Variants in CPNE2 observed in about 807,000 individuals in gnomAD.
The protein encoded by CPNE2 is copine-2.
A neutral mutation model predicts 69.7 loss-of-function variants in CPNE2; 42 were observed. That is an observed-to-expected ratio of 0.60 (90% CI 0.47 to 0.78). The LOEUF (loss-of-function observed/expected upper bound fraction) is 0.78. Ranked by LOEUF, CPNE2 falls within the 30% of genes least tolerant of loss-of-function variation. The probability of loss-of-function intolerance (pLI) is 0.00; values close to 1 mark genes in which losing one functional copy is unlikely to be tolerated. For missense variants in CPNE2, 587 were observed against 732.0 expected, an observed-to-expected ratio of 0.80 and a Z score of 2.29; for synonymous variants, 294 against 289.8, an observed-to-expected ratio of 1.01 and a Z score of -0.15.
intron 13 of CPNE2, among the ~76,000 whole-genome samples, chr16:57,135,492 G>A (rs2069872450): frequency 6.6e-6 from 1 of 151,880 alleles, no homozygotes; most frequent in African/African-American, 2.4e-5. Flanking sequence ...AATAGAGGGA[G>A]ACCCCATTTC....
At chr16:57,142,432 A>G (rs1597507714) in intron 14 of CPNE2, 1 of 152,404 alleles carries the variant, frequency 6.6e-6, no homozygotes, top group Non-Finnish European at 1.5e-5. Context: ...TATCGGAAGG[A>G]AGGAATGTGT....
chr16:57,124,386 C>G (rs2069785354), intron 10 of CPNE2: 1 of 456,222 alleles, frequency 2.2e-6, no homozygotes, highest in Non-Finnish European at 4.4e-6. Context: ...CTGGCCCTCA[C>G]TATTTTCCTA....
At chr16:57,094,192 T>A (rs2145227804) in intron 1 of CPNE2, 1 of 418,896 alleles carries the variant, frequency 2.4e-6, no homozygotes, top group South Asian at 1.7e-5. Context: ...ACGCTTGGGT[T>A]CGTTTTGCGG....
chr16:57,104,502 A>T (rs981545642), intron 1 of CPNE2, among the ~76,000 whole-genome samples: 2 of 152,112 alleles, frequency 1.3e-5, no homozygotes, highest in Non-Finnish European at 2.9e-5. Flanking sequence ...CTCTCAAGTG[A>T]TGTGTGCAGG....
intron 10 of CPNE2, chr16:57,123,753 C>T (rs1167796828): frequency 4.0e-6 from 2 of 498,264 alleles, no homozygotes; most frequent in Non-Finnish European, 7.2e-6. Context: ...ACAAATTCCT[C>T]CTCACTGGCC....
At chr16:57,116,730 G>A (rs1356551405) in intron 4 of CPNE2, among the ~76,000 whole-genome samples, 1 of 152,192 alleles carries the variant, frequency 6.6e-6, no homozygotes, top group Non-Finnish European at 1.5e-5. Context: ...TAGGGTTGTT[G>A]AGCAAGTCCC....
chr16:57,135,276 G>A (rs948279004), intron 13 of CPNE2, among the ~76,000 whole-genome samples: 1 of 134,364 alleles, frequency 7.4e-6, no homozygotes, highest in African/African-American at 2.8e-5. Context: ...ACTTGGCGGG[G>A]GATCAGGGGG....
intron 1 of CPNE2, among the ~76,000 whole-genome samples, chr16:57,100,859 C>G (rs1302934395): frequency 6.6e-6 from 1 of 152,212 alleles, no homozygotes; most frequent in Non-Finnish European, 1.5e-5. Flanking sequence ...GAAGGGCTAG[C>G]CCAGAGCTCC....
intron 11 of CPNE2, among the ~76,000 whole-genome samples, chr16:57,127,194 C>T (rs1270671477): frequency 3.9e-5 from 6 of 152,152 alleles, no homozygotes; most frequent in African/African-American, 9.7e-5. Flanking sequence ...GGGAAATCTA[C>T]AGAGCGAAGG....
In CPNE2 at chr16:57,124,794, T is replaced by C. The variant is rs940344764; in HGVS notation, c.928-1066T>C. ...AAATGGAGGGCATCACAGGATGCCATGGAGTCAGAGGATTGGCCTTGCTGA... is the reference window on the plus strand; with the variant it reads ...AAATGGAGGGCATCACAGGATGCCACGGAGTCAGAGGATTGGCCTTGCTGA... On this transcript the variant is annotated intron_variant, in intron 10 of 15. Coordinates refer to ENST00000290776, the MANE Select transcript of CPNE2 (RefSeq NM_152727.6). The C allele has an allele frequency of 1.4e-5, 3 of 217,014 alleles. No homozygotes were observed. The Admixed American group carries it at 1.6e-4, about 11-fold the overall frequency. The allele number at this position is 217,014 out of a possible 1,614,324, so 13.4% of individuals were successfully genotyped here. A position where few individuals can be genotyped will look rare whatever the true frequency, so the allele number is the denominator to read the frequency against.
At chr16:57,143,533 C>T (rs1290363331) in intron 14 of CPNE2, 3 of 152,496 alleles carry the variant, frequency 2.0e-5, no homozygotes, top group Admixed American at 6.5e-5. Context: ...GCCCCAGCTT[C>T]GGAGTCAGCC....
intron 3 of CPNE2, among the ~76,000 whole-genome samples, chr16:57,115,138 G>A (rs879544824): frequency 1.3e-5 from 2 of 152,088 alleles, no homozygotes; most frequent in Non-Finnish European, 2.9e-5. Context: ...TGAGGCAGGT[G>A]GGGTCTGTGG....
At chr16:57,117,378 A>C (rs1401339568) in intron 4 of CPNE2, 118 bp from the exon 5 acceptor site, 1 of 948,828 alleles carries the variant, frequency 1.1e-6, no homozygotes, top group Non-Finnish European at 1.6e-6. Flanking sequence ...GGTCACCTGG[A>C]ACTGCCCTTC....
chr16:57,138,458 C>T (rs2069898805), intron 14 of CPNE2, among the ~76,000 whole-genome samples: 2 of 152,156 alleles, frequency 1.3e-5, no homozygotes, highest in South Asian at 4.1e-4. Context: ...CAGATTGGAT[C>T]CCCTGAGGCC....
At chr16:57,123,733 G>A (rs2069780056) in intron 10 of CPNE2, 1 of 514,424 alleles carries the variant, frequency 1.9e-6, no homozygotes, top group Middle Eastern at 5.2e-4. Flanking sequence ...CCTTCTGCGG[G>A]TGGAGGAAAA....
chr16:57,113,567 G>A (rs1416768122), intron 3 of CPNE2, 100 bp downstream of exon 3: 6 of 1,284,384 alleles, frequency 4.7e-6, no homozygotes, highest in Non-Finnish European at 6.3e-6. Context: ...CATCTTCCTG[G>A]GTGGGTCCCA....
intron 4 of CPNE2, among the ~76,000 whole-genome samples, chr16:57,117,255 C>T (rs1316752041): frequency 3.3e-5 from 5 of 152,176 alleles, no homozygotes; most frequent in South Asian, 2.1e-4. Context: ...ACCCCATGGG[C>T]CCTGCGGATT....
At chr16:57,097,883 C>T (rs1322392817) in intron 1 of CPNE2, among the ~76,000 whole-genome samples, 6 of 152,226 alleles carry the variant, frequency 3.9e-5, no homozygotes, top group Admixed American at 6.5e-5. Flanking sequence ...CACAGCACTC[C>T]GTGCCTATCC....
chr16:57,097,887 C>T (rs1258354998), intron 1 of CPNE2, among the ~76,000 whole-genome samples: 1 of 152,252 alleles, frequency 6.6e-6, no homozygotes, highest in African/African-American at 2.4e-5. Flanking sequence ...GCACTCCGTG[C>T]CTATCCCCAT....
Sources: gnomAD v4.1 joint callset for allele counts (sites outside exome capture counted in the v4.1 genomes callset) on GRCh38, gnomAD v4.1.1 for gene constraint, MANE v1.5 for transcripts, NCBI Gene and HGNC (gene_info 2026-07-23, HGNC 2026-07-21) for gene names.